PXDNL: variants seen among roughly 807,000 people sequenced by gnomAD.
PXDNL encodes probable oxidoreductase PXDNL.
A neutral mutation model predicts 150.8 loss-of-function variants in PXDNL; 145 were observed. That is an observed-to-expected ratio of 0.96 (90% CI 0.84 to 1.10). The LOEUF (loss-of-function observed/expected upper bound fraction) is 1.10, where lower values mean the gene tolerates loss of function less well. Ranked by LOEUF, PXDNL falls within the 50% of genes least tolerant of loss-of-function variation. The pLI, the probability that PXDNL is intolerant of heterozygous loss-of-function variation, is 0.00. For synonymous variants in PXDNL, 757 were observed against 725.7 expected (o/e 1.04, Z -0.69); for missense variants, 2,087 against 1,873.9 (o/e 1.11, Z -2.10).
At chr8:51,386,386 C>T (rs775069717) in intron 17 of PXDNL, among the ~76,000 whole-genome samples, 6 of 152,072 alleles carry the variant, frequency 3.9e-5, no homozygotes, top group Non-Finnish European at 8.8e-5. Flanking sequence ...CCACTGTGCC[C>T]GGCCAGGTGA....
At chr8:51,709,377 C>T (rs1816448719) in intron 1 of PXDNL, among the ~76,000 whole-genome samples, 1 of 152,030 alleles carries the variant, frequency 6.6e-6, no homozygotes, top group Non-Finnish European at 1.5e-5. Flanking sequence ...GCCTCAGCCT[C>T]CCAAGTAGCT....
intron 1 of PXDNL, among the ~76,000 whole-genome samples, chr8:51,696,826 C>CAT (rs1384271602): frequency 6.7e-6 from 1 of 149,252 alleles, no homozygotes. Flanking sequence ...CACACACACA[C>CAT]ACACACACAC....
intron 2 of PXDNL, among the ~76,000 whole-genome samples, chr8:51,624,099 C>CAAAAAAAA (rs59841822): frequency 6.3e-5 from 5 of 79,606 alleles, no homozygotes; most frequent in East Asian, 4.4e-4. Context: ...TCTCAAATTA[C>CAAAAAAAA]AAAAAAAAAA....
intron 4 of PXDNL, among the ~76,000 whole-genome samples, chr8:51,548,463 G>A (rs1812411735): frequency 6.6e-6 from 1 of 152,102 alleles, no homozygotes; most frequent in Non-Finnish European, 1.5e-5. Context: ...AGTCTATAAA[G>A]GAAAACTTAT....
intron 21 of PXDNL, among the ~76,000 whole-genome samples, chr8:51,327,416 T>A (rs938865494): frequency 6.6e-6 from 1 of 152,166 alleles, no homozygotes; most frequent in Non-Finnish European, 1.5e-5. Context: ...ACGGAAACAG[T>A]TACGGAAAAT....
intron 4 of PXDNL, among the ~76,000 whole-genome samples, chr8:51,516,798 A>T (rs536450362): frequency 6.0e-4 from 92 of 152,274 alleles, no homozygotes; most frequent in African/African-American, 2.2e-3. Flanking sequence ...ACCAATTAAG[A>T]TGTATAAATT....
chr8:51,358,143 A>G (rs1056063231), intron 19 of PXDNL, among the ~76,000 whole-genome samples: 3 of 152,234 alleles, frequency 2.0e-5, no homozygotes, highest in Non-Finnish European at 1.5e-5. Flanking sequence ...ACCTATTATG[A>G]TAAGTTTCAT....
intron 3 of PXDNL, among the ~76,000 whole-genome samples, chr8:51,566,940 G>A (rs1425548992): frequency 1.3e-5 from 2 of 151,022 alleles, no homozygotes; most frequent in Non-Finnish European, 3.0e-5. Context: ...TACCTCTAAG[G>A]ACTGCTTTAA....
At chr8:51,675,318 A>G (rs1042554036) in intron 1 of PXDNL, among the ~76,000 whole-genome samples, 8 of 152,174 alleles carry the variant, frequency 5.3e-5, no homozygotes, top group African/African-American at 1.7e-4. Context: ...TTCCTGCAGC[A>G]TTGGATTCAC....
chr8:51,803,390 T>A (rs2037641689), intron 1 of PXDNL, among the ~76,000 whole-genome samples: 1 of 151,810 alleles, frequency 6.6e-6, no homozygotes, highest in Non-Finnish European at 1.5e-5. Context: ...ACAAAAAAAC[T>A]CTCCCTGTCC....
chr8:51,424,188 C>A (rs965144488), intron 13 of PXDNL, among the ~76,000 whole-genome samples: 6 of 151,910 alleles, frequency 3.9e-5, no homozygotes, highest in African/African-American at 1.5e-4. Context: ...CATAGCAAGA[C>A]CCCATCCCTA....
intron 1 of PXDNL, among the ~76,000 whole-genome samples, chr8:51,697,837 A>C (rs1816178422): frequency 6.6e-6 from 1 of 152,178 alleles, no homozygotes; most frequent in Non-Finnish European, 1.5e-5. Context: ...CATAGTTTGG[A>C]GATATTGTGG....
Position 51,409,465 on chromosome 8 carries a change from T to C in PXDNL, c.2159A>G (p.Asn720Ser). Residue 720 changes from asparagine (N) to serine (S), a missense_variant, in exon 17 of 23, where the codon AAC becomes AGC. Coordinates refer to ENST00000356297, the MANE Select transcript of PXDNL (RefSeq NM_144651.5). ...GCGGTACTTCGCATGGAAACACCGG[T>C]TGGAGCAGTTTGGCAGAGGCCTGCG... is the stretch of plus-strand genomic sequence containing the variant. ...TARRPLPNCS[N>S]RCFHAKYRAH... is the part of the protein sequence containing the mutation. 1 of 1,612,644 alleles carries C rather than the reference T, an allele frequency of 6.2e-7. No individual in the cohort carries two copies.
intron 4 of PXDNL, among the ~76,000 whole-genome samples, chr8:51,522,212 A>AT (rs1811677094): frequency 6.6e-6 from 1 of 152,224 alleles, no homozygotes; most frequent in South Asian, 2.1e-4. Context: ...ATAGGAAGGA[A>AT]TAATATATTC....
intron 2 of PXDNL, among the ~76,000 whole-genome samples, chr8:51,618,391 C>T (rs963203727): frequency 6.6e-6 from 1 of 152,204 alleles, no homozygotes; most frequent in African/African-American, 2.4e-5. Context: ...GGGGCAGAAT[C>T]AGGATGCAGC....
chr8:51,641,359 C>A (rs1292372009), intron 2 of PXDNL, among the ~76,000 whole-genome samples: 1 of 149,320 alleles, frequency 6.7e-6, no homozygotes, highest in African/African-American at 2.5e-5. Flanking sequence ...CAAATGGGAT[C>A]TAATTAAACT....
At chr8:51,584,403 A>G (rs1205685285) in intron 3 of PXDNL, among the ~76,000 whole-genome samples, 2 of 152,030 alleles carry the variant, frequency 1.3e-5, no homozygotes, top group Non-Finnish European at 2.9e-5. Context: ...TGTTCCTACA[A>G]TTTTTCTTAG....
intron 20 of PXDNL, among the ~76,000 whole-genome samples, chr8:51,345,197 T>A (rs1211521297): frequency 3.3e-5 from 5 of 152,218 alleles, no homozygotes; most frequent in Non-Finnish European, 7.3e-5. Flanking sequence ...GACTCCTTAT[T>A]CAATGAAAAG....
chr8:51,567,212 G>A (rs1812846909), intron 3 of PXDNL, among the ~76,000 whole-genome samples: 1 of 151,616 alleles, frequency 6.6e-6, no homozygotes, highest in African/African-American at 2.4e-5. Context: ...CCTTCTTGGT[G>A]AATGTTCTAT....
Sources: allele counts gnomAD v4.1 joint callset (sites outside exome capture counted in the v4.1 genomes callset), GRCh38; gene constraint gnomAD v4.1.1; transcripts MANE v1.5; gene names NCBI Gene and HGNC (gene_info 2026-07-23, HGNC 2026-07-21).